VPS13D: variants seen among roughly 807,000 people sequenced by gnomAD.
VPS13D encodes intermembrane lipid transfer protein VPS13D.
Under a neutral mutation model 461.9 loss-of-function variants are expected in VPS13D, and 187 were observed. That is an observed-to-expected ratio of 0.40 (90% CI 0.36 to 0.46). VPS13D has a LOEUF of 0.46. Among genes scored for constraint, VPS13D ranks in the 20% least tolerant of loss-of-function variants. The pLI, the probability that VPS13D is intolerant of heterozygous loss-of-function variation, is 0.60. For synonymous variants in VPS13D, 1,951 were observed against 1,986.3 expected (o/e 0.98, Z 0.47); for missense variants, 4,711 against 5,364.9 (o/e 0.88, Z 3.81).
At chr1:12,364,757 T>C (rs1644007758) in intron 52 of VPS13D, among the ~76,000 whole-genome samples, 1 of 152,270 alleles carries the variant, frequency 6.6e-6, no homozygotes, top group Non-Finnish European at 1.5e-5. Flanking sequence ...TTAGTGATGT[T>C]GAGCATCTTT....
chr1:12,378,418 T>C lies in VPS13D; in HGVS notation c.10918-10T>C, dbSNP rs768565420. Reference sequence around the variant, plus strand: ...GGCTCTTTCTCTTTTTGCTTGTACCTACTTAACAGGAACCAGGAAAGCGTT... The same window carrying C: ...GGCTCTTTCTCTTTTTGCTTGTACCCACTTAACAGGAACCAGGAAAGCGTT... On this transcript the variant is annotated splice_polypyrimidine_tract_variant and intron_variant, in intron 55 of 69. Coordinates refer to ENST00000620676, the MANE Select transcript of VPS13D (RefSeq NM_015378.4). The C allele has an allele frequency of 1.3e-6, 2 of 1,589,482 alleles. No individual in the cohort carries two copies. The highest frequency in any genetic ancestry group is 2.3e-5 in the South Asian group (2 of 87,426).
intron 35 of VPS13D, among the ~76,000 whole-genome samples, chr1:12,326,103 A>G (rs1048322437): frequency 6.6e-6 from 1 of 151,236 alleles, no homozygotes; most frequent in African/African-American, 2.4e-5. Flanking sequence ...TTGTTTCATG[A>G]CATACTGGTT....
At chr1:12,433,211 C>T (rs917860857) in intron 65 of VPS13D, among the ~76,000 whole-genome samples, 12 of 151,622 alleles carry the variant, frequency 7.9e-5, no homozygotes, top group African/African-American at 2.7e-4. Flanking sequence ...AGTAGGTGCT[C>T]GAAACCTTTG....
chr1:12,429,619 C>T (rs897415776), intron 65 of VPS13D, among the ~76,000 whole-genome samples: 1 of 152,250 alleles, frequency 6.6e-6, no homozygotes, highest in African/African-American at 2.4e-5. Flanking sequence ...AGTTTATTTA[C>T]AAGTTTCCCC....
intron 67 of VPS13D, among the ~76,000 whole-genome samples, chr1:12,465,725 A>C (rs1195727719): frequency 6.6e-6 from 1 of 152,202 alleles, no homozygotes; most frequent in Admixed American, 6.5e-5. Context: ...TTTCTTAAGG[A>C]AAGGCCCCTT....
intron 31 of VPS13D, 59 bp downstream of exon 31, chr1:12,318,396 G>A (rs1642945906): frequency 1.9e-6 from 3 of 1,553,704 alleles, no homozygotes; most frequent in African/African-American, 2.7e-5. Flanking sequence ...CTCAATATCT[G>A]CCTTACAGGA....
chr1:12,417,405 G>A (rs1229960407), intron 65 of VPS13D, among the ~76,000 whole-genome samples: 2 of 152,188 alleles, frequency 1.3e-5, no homozygotes, highest in Admixed American at 6.5e-5. Context: ...TTGATTATAT[G>A]CGAAGCTGGA....
At chr1:12,400,960 G>GCACACA (rs1348890891) in intron 61 of VPS13D, among the ~76,000 whole-genome samples, 4,390 of 130,706 alleles carry the variant, frequency 0.034, 75 homozygotes, top group Middle Eastern at 0.052. Context: ...ACCTGCGCGC[G>GCACACA]CGCACACACA....
intron 62 of VPS13D, among the ~76,000 whole-genome samples, chr1:12,402,118 C>G (rs1037040824): frequency 7.9e-5 from 12 of 152,162 alleles, no homozygotes; most frequent in African/African-American, 2.9e-4. Flanking sequence ...TTTGGCAGTT[C>G]CTTTGGTTTA....
intron 67 of VPS13D, among the ~76,000 whole-genome samples, chr1:12,470,962 C>A (rs1453097290): frequency 6.6e-6 from 1 of 151,918 alleles, no homozygotes; most frequent in African/African-American, 2.4e-5. Flanking sequence ...TTTTTTTATA[C>A]CTTAGCTGTA....
rs1019757839 is a variant in VPS13D at position 12,311,868 on chromosome 1, A to G, written c.6878A>G (p.Asn2293Ser). ...TCMCFLIDMV[N>S]VSLELKDPKR... ...ATGTGCTTCCTCATTGATATGGTGA[A>G]TGTAAGTCTGGAGCTTAAAGATCCA... is the stretch of plus-strand genomic sequence containing the variant. Residue 2293 changes from asparagine (N) to serine (S), a missense_variant, in exon 29 of 70, where the codon AAT becomes AGT. Physicochemically the swap from Asn to Ser is conservative, Grantham distance 46 (BLOSUM62 1). Transcript: ENST00000620676. The G allele has an allele frequency of 6.2e-7, 1 of 1,614,068 alleles. No homozygotes were observed. Among genetic ancestry groups the G allele is most frequent in the African/African-American group, 1.3e-5 (1 of 74,938 alleles).
At position 12,282,745 on chromosome 1, in the gene VPS13D, C is replaced by T. The variant is rs1307691018; in HGVS notation, c.4643C>T (p.Thr1548Ile). Residue 1548 changes from threonine (T) to isoleucine (I), a missense_variant, in exon 21 of 70, where the codon ACC becomes ATC. Physicochemically the swap from Thr to Ile is moderately conservative, Grantham distance 89. Transcript: ENST00000620676. The stretch of plus-strand genomic sequence containing the variant: ...CATGTATATGAGCAGGTTTTACAAA[C>T]CCTGGACAATCTCGTGTACAGTGAA... ...AKHVYEQVLQTLDNLVYSEDL... is the reference protein window; with the variant it reads ...AKHVYEQVLQILDNLVYSEDL... The T allele has an allele frequency of 6.2e-7, 1 of 1,613,300 alleles. No individual in the cohort carries two copies. Among genetic ancestry groups the T allele is most frequent in the East Asian group, 2.2e-5 (1 of 44,886 alleles).
At position 12,511,327 on chromosome 1, in the gene VPS13D, C is replaced by T. The variant is rs1646178897; in HGVS notation, c.*2303C>T. The stretch of plus-strand genomic sequence containing the variant: ...GGGAGATGGGAGGGCCAACTGCGAG[C>T]TGCTCCACTTCTCAGCTCTCCCCTG... On this transcript the variant is annotated 3_prime_UTR_variant, in exon 70 of 70. Coordinates refer to ENST00000620676, the MANE Select transcript of VPS13D (RefSeq NM_015378.4). This position sits in a 1 kb window ranked among gnomAD's most constrained non-coding sequence, Gnocchi z 4.5. 1 of 152,228 alleles carries T rather than the reference C, an allele frequency of 6.6e-6. No individual in the cohort carries two copies. Among genetic ancestry groups the T allele is most frequent in the Non-Finnish European group, 1.5e-5 (1 of 68,072 alleles). The allele number at this position is 152,228 out of a possible 1,614,324, so 9.4% of individuals were successfully genotyped here. A position where few individuals can be genotyped will look rare whatever the true frequency, so the allele number is the denominator to read the frequency against.
At chr1:12,291,690 G>A (rs1242296889) in intron 23 of VPS13D, among the ~76,000 whole-genome samples, 2 of 152,150 alleles carry the variant, frequency 1.3e-5, no homozygotes, top group African/African-American at 2.4e-5. Flanking sequence ...AAAGCCCTGG[G>A]CTCTCTTGCT....
At chr1:12,463,476 G>C (rs1386038371) in intron 67 of VPS13D, among the ~76,000 whole-genome samples, 2 of 152,186 alleles carry the variant, frequency 1.3e-5, no homozygotes, top group Admixed American at 1.3e-4. Context: ...CTTGGGCTGG[G>C]CATGGTGGCT....
At position 12,246,642 on chromosome 1, in the gene VPS13D, A is replaced by G. The variant is rs961877582; in HGVS notation, c.447+2025A>G. On this transcript the variant is annotated intron_variant, in intron 5 of 69. Coordinates refer to ENST00000620676, the MANE Select transcript of VPS13D (RefSeq NM_015378.4). The stretch of plus-strand genomic sequence containing the variant: ...AAACCCTTTTCAGTAAACGTGCTAT[A>G]AGAAAGGAAGGTCAGGGGCCTGTGT... Among the ~76,000 whole-genome samples, 39 of 152,184 alleles carry G rather than the reference A, an allele frequency of 2.6e-4. 1 individual carries two copies. Among genetic ancestry groups the G allele is most frequent in the African/African-American group, 9.2e-4 (38 of 41,438 alleles).
chr1:12,275,898 C>A lies in VPS13D; in HGVS notation c.2310C>A (p.Thr770=). ...ETQFSDDEYK[T]PLATPPNTPP... ...AGTTTAGTGATGATGAATATAAGAC[C>A]CCCCTGGCCACACCTCCTAACACCC... Residue 770 remains threonine, a synonymous_variant, in exon 19 of 70, where the codon ACC becomes ACA. Transcript: ENST00000620676. 1.9e-6 allele frequency: 3 copies of A among 1,613,328 alleles called. No individual in the cohort carries two copies. Among genetic ancestry groups the A allele is most frequent in the Non-Finnish European group, 2.5e-6 (3 of 1,179,880 alleles).
At chr1:12,476,497 G>A (rs903565728) in intron 67 of VPS13D, among the ~76,000 whole-genome samples, 5 of 152,230 alleles carry the variant, frequency 3.3e-5, no homozygotes, top group Admixed American at 6.5e-5. Context: ...TGTAACCTGC[G>A]TGATCATGTG....
chr1:12,335,091 A>G (rs1188564043), intron 38 of VPS13D, among the ~76,000 whole-genome samples: 2 of 152,202 alleles, frequency 1.3e-5, no homozygotes, highest in African/African-American at 4.8e-5. Flanking sequence ...CTTGTGGAGA[A>G]TTGTCTGCTG....
Sources: allele counts gnomAD v4.1 joint callset (sites outside exome capture counted in the v4.1 genomes callset), GRCh38; gene constraint gnomAD v4.1.1; non-coding constraint Gnocchi (gnomAD v3.1); transcripts MANE v1.5; gene names NCBI Gene and HGNC (gene_info 2026-07-23, HGNC 2026-07-21).